SFMBT1: variants seen among roughly 807,000 people sequenced by gnomAD.
The protein encoded by SFMBT1 is scm-like with four MBT domains protein 1.
A neutral mutation model predicts 108.7 loss-of-function variants in SFMBT1; 32 were observed. The observed-to-expected ratio is 0.29, with a 90% CI of 0.22 to 0.40. The LOEUF is 0.40. Among genes scored for constraint, SFMBT1 ranks in the 10% least tolerant of loss-of-function variants. The probability of loss-of-function intolerance (pLI) is 1.00; values close to 1 mark genes in which losing one functional copy is unlikely to be tolerated. For missense variants in SFMBT1, 816 were observed against 1,059.6 expected (o/e 0.77, Z 3.19); for synonymous variants, 348 against 369.5 (o/e 0.94, Z 0.67).
intron 1 of SFMBT1, among the ~76,000 whole-genome samples, chr3:52,988,054 G>A (rs1365565183): frequency 1.3e-5 from 2 of 152,158 alleles, no homozygotes. Flanking sequence ...TTCCCCAACG[G>A]AGTAACAGGC....
At chr3:53,021,295 G>A (rs2581778) in intron 1 of SFMBT1, among the ~76,000 whole-genome samples, 68,839 of 151,914 alleles carry the variant, frequency 0.45, 15,916 homozygotes, top group South Asian at 0.63. Flanking sequence ...CTTAAAACCT[G>A]ATGTCAAGGA....
chr3:52,932,393 AG>A, intron 5 of SFMBT1, 85 bp from the exon 6 acceptor site: 1 of 1,399,222 alleles, frequency 7.1e-7, no homozygotes, highest in Non-Finnish European at 9.6e-7. Flanking sequence ...ATCTCAAACC[AG>A]CCTTTGTATT....
At chr3:53,013,918 T>G (rs1699041761) in intron 1 of SFMBT1, among the ~76,000 whole-genome samples, 1 of 152,138 alleles carries the variant, frequency 6.6e-6, no homozygotes, top group South Asian at 2.1e-4. Context: ...TGTGAGCCAC[T>G]GCTCCCGGCC....
intron 10 of SFMBT1, among the ~76,000 whole-genome samples, chr3:52,922,966 T>TG (rs1419030957): frequency 6.6e-6 from 1 of 152,196 alleles, no homozygotes; most frequent in Non-Finnish European, 1.5e-5. Flanking sequence ...CATAATGATA[T>TG]GGATTCAGGT....
At chr3:53,014,476 A>AAAAAC (rs10576412) in intron 1 of SFMBT1, among the ~76,000 whole-genome samples, 38 of 146,574 alleles carry the variant, frequency 2.6e-4, no homozygotes, top group African/African-American at 7.1e-4. Context: ...TGTATTTAAA[A>AAAAAC]AAAACAAAAC....
intron 1 of SFMBT1, among the ~76,000 whole-genome samples, chr3:53,004,807 G>T (rs1698683948): frequency 7.5e-6 from 1 of 133,278 alleles, no homozygotes; most frequent in African/African-American, 2.5e-5. Context: ...ACACACACAT[G>T]TGCTAAGCTG....
chr3:52,977,824 C>T (rs1332042762), intron 1 of SFMBT1, among the ~76,000 whole-genome samples: 2 of 152,120 alleles, frequency 1.3e-5, no homozygotes, highest in Admixed American at 1.3e-4. Flanking sequence ...GATTCAGGGG[C>T]AGGGCAAAAG....
chr3:52,921,302 T>C (rs1559511178), intron 11 of SFMBT1, among the ~76,000 whole-genome samples: 1 of 152,214 alleles, frequency 6.6e-6, no homozygotes, highest in Non-Finnish European at 1.5e-5. Flanking sequence ...AATTATTGAA[T>C]ATTACTTTTA....
chr3:53,015,362 A>G (rs1361589594), intron 1 of SFMBT1, among the ~76,000 whole-genome samples: 1 of 152,214 alleles, frequency 6.6e-6, no homozygotes, highest in Non-Finnish European at 1.5e-5. Flanking sequence ...CAATTTGAAA[A>G]AACAGTTTGG....
Position 52,932,095 on chromosome 3 carries a change from C to T in SFMBT1, c.667G>A (p.Ala223Thr). 6.2e-7 allele frequency: 1 copy of T among 1,614,042 alleles called. No individual in the cohort carries two copies. The highest frequency in any genetic ancestry group is 8.5e-7 in the Non-Finnish European group (1 of 1,180,018). The change falls in exon 6 of 21, where the codon GCT becomes ACT. Residue 223 changes from alanine to threonine, a missense_variant. By Grantham distance (58) the Ala-to-Thr change is moderately conservative. This residue lies in a region of SFMBT1 where 495 missense variants were observed against 607.4 expected (regional missense o/e 0.81). Transcript: ENST00000394752. ...GGCTGAAGCTCATATCCCTGTTGAG[C>T]AGCCCAACCAACGTGATGAAGAAAT... The part of the protein sequence containing the change: ...DPFLHHVGWA[A>T]QQGYELQPPS...
In SFMBT1 at chr3:52,903,702, T is replaced by G. The variant is rs1043813974; in HGVS notation, c.*1434A>C. 19 of 152,186 alleles carry G rather than the reference T, an allele frequency of 1.2e-4. No individual in the cohort carries two copies. Among genetic ancestry groups the G allele is most frequent in the African/African-American group, 4.6e-4 (19 of 41,452 alleles). 9.4% of individuals were successfully genotyped at this position (152,186 alleles called of 1,614,324 possible). A position where few individuals can be genotyped will look rare whatever the true frequency, so the allele number is the denominator to read the frequency against. On this transcript the variant is annotated 3_prime_UTR_variant, in exon 21 of 21. Transcript: ENST00000394752. ...TGCAGGTGATTAGGATAAAAAAAAT[T>G]CAGCAAAGCAAACCATTTAAGGGAG...
intron 1 of SFMBT1, among the ~76,000 whole-genome samples, chr3:53,042,971 C>T (rs1700103295): frequency 6.6e-6 from 1 of 152,260 alleles, no homozygotes; most frequent in African/African-American, 2.4e-5. Context: ...CAGAATTATT[C>T]AGCGAAATCA....
chr3:53,042,629 C>G (rs1299661191), intron 1 of SFMBT1, among the ~76,000 whole-genome samples: 1 of 152,210 alleles, frequency 6.6e-6, no homozygotes, highest in Non-Finnish European at 1.5e-5. Context: ...AGGCGTGAGC[C>G]ACTGTGCCTA....
At chr3:52,944,433 C>T (rs1703290296) in intron 3 of SFMBT1, among the ~76,000 whole-genome samples, 1 of 152,184 alleles carries the variant, frequency 6.6e-6, no homozygotes, top group African/African-American at 2.4e-5. Context: ...ACATGTATTT[C>T]CCAACTCTGT....
chr3:52,947,925 G>A (rs1246593095), intron 3 of SFMBT1, among the ~76,000 whole-genome samples: 22 of 151,908 alleles, frequency 1.4e-4, no homozygotes, highest in Admixed American at 1.4e-3. Context: ...AGTAGAGATG[G>A]GGTTTCACCA....
At chr3:52,927,566 A>T (rs1702694249) in intron 9 of SFMBT1, among the ~76,000 whole-genome samples, 1 of 152,250 alleles carries the variant, frequency 6.6e-6, no homozygotes, top group Admixed American at 6.5e-5. Context: ...TAGATTCTCT[A>T]AGTTTAAAAA....
chr3:52,998,515 T>C (rs956970345), intron 1 of SFMBT1, among the ~76,000 whole-genome samples: 1 of 150,408 alleles, frequency 6.6e-6, no homozygotes, highest in East Asian at 1.9e-4. Flanking sequence ...ATCATGGTGG[T>C]TCCCCTAGGT....
chr3:52,968,968 GAAGATGGCAATGAAAA>G, intron 2 of SFMBT1, 117 bp downstream of exon 2: 1 of 982,738 alleles, frequency 1.0e-6, no homozygotes, highest in South Asian at 1.5e-5. Flanking sequence ...GAGAGGTACA[GAAGATGGCAATGAAAA>G]ACAACTTAAG....
intron 3 of SFMBT1, among the ~76,000 whole-genome samples, chr3:52,953,050 A>T (rs1287816672): frequency 6.6e-6 from 1 of 152,234 alleles, no homozygotes; most frequent in Non-Finnish European, 1.5e-5. Context: ...CAGTTGTTTA[A>T]GCCACCTAGT....
Sources: gnomAD v4.1 joint callset for allele counts (sites outside exome capture counted in the v4.1 genomes callset) on GRCh38, gnomAD v4.1.1 for gene constraint, gnomAD v4.1.1 regional missense constraint, MANE v1.5 for transcripts, NCBI Gene and HGNC (gene_info 2026-07-23, HGNC 2026-07-21) for gene names.